MALRD1: variants seen among roughly 807,000 people sequenced by gnomAD.
The protein encoded by MALRD1 is MAM and LDL receptor class A domain containing 1.
MALRD1 carries 247 observed loss-of-function variants against 242.1 expected under a neutral mutation model. That is an observed-to-expected ratio of 1.02 (90% CI 0.92 to 1.13). The LOEUF (loss-of-function observed/expected upper bound fraction) is 1.13. MALRD1 is among the 50% of genes most tolerant of loss of function. MALRD1 has a pLI of 0.00. For missense variants in MALRD1, 2,989 were observed against 2,533.1 expected (o/e 1.18, Z -3.86); for synonymous variants, 995 against 866.6 (o/e 1.15, Z -2.60).
chr10:19,341,450 ATG>A (rs201389503), intron 24 of MALRD1, among the ~76,000 whole-genome samples: 38 of 113,826 alleles, frequency 3.3e-4, no homozygotes, highest in African/African-American at 1.2e-3. Context: ...ATATATATAT[ATG>A]TGTATATATA....
intron 19 of MALRD1, among the ~76,000 whole-genome samples, chr10:19,277,623 G>C (rs1030962745): frequency 6.6e-6 from 1 of 152,060 alleles, no homozygotes; most frequent in Non-Finnish European, 1.5e-5. Flanking sequence ...ACATAGTTCG[G>C]GGTCTTATTT....
intron 38 of MALRD1, among the ~76,000 whole-genome samples, chr10:19,727,607 A>G (rs985929848): frequency 6.6e-6 from 1 of 152,016 alleles, no homozygotes; most frequent in African/African-American, 2.4e-5. Context: ...CCTTTCCTCT[A>G]CTCAAAATTT....
chr10:19,363,483 TATTTAGCAATGTGC>T (rs1844983075), intron 26 of MALRD1, among the ~76,000 whole-genome samples: 2 of 152,282 alleles, frequency 1.3e-5, no homozygotes, highest in South Asian at 4.1e-4. Flanking sequence ...CTGGCCATTG[TATTTAGCAATGTGC>T]AAGGCAGTGG....
At chr10:19,357,435 G>C (rs1038643286) in intron 26 of MALRD1, among the ~76,000 whole-genome samples, 4 of 151,614 alleles carry the variant, frequency 2.6e-5, no homozygotes, top group Admixed American at 2.6e-4. Context: ...GTATTCTTTA[G>C]GTGGTGTAAA....
chr10:19,137,201 A>T (rs1413055949), intron 10 of MALRD1, among the ~76,000 whole-genome samples: 2 of 151,866 alleles, frequency 1.3e-5, no homozygotes, highest in Admixed American at 1.3e-4. Context: ...GGGAGGGATG[A>T]GTAGGAGGAG....
At chr10:19,241,406 G>A (rs543654073) in intron 18 of MALRD1, among the ~76,000 whole-genome samples, 5 of 152,104 alleles carry the variant, frequency 3.3e-5, no homozygotes, top group East Asian at 1.9e-4. Flanking sequence ...TTTCTGTGGT[G>A]TATCAGTTGT....
At chr10:19,426,963 T>C (rs1010665507) in intron 28 of MALRD1, among the ~76,000 whole-genome samples, 1 of 152,244 alleles carries the variant, frequency 6.6e-6, no homozygotes, top group African/African-American at 2.4e-5. Context: ...TGTGCATGTC[T>C]ATATTTGCAG....
chr10:19,172,936 C>T (rs995730886), intron 13 of MALRD1, among the ~76,000 whole-genome samples: 1 of 151,984 alleles, frequency 6.6e-6, no homozygotes, highest in East Asian at 1.9e-4. Context: ...ATGTTATTTT[C>T]TGCCTCTGGA....
chr10:19,620,751 C>T (rs1839364733), intron 36 of MALRD1, among the ~76,000 whole-genome samples: 2 of 151,766 alleles, frequency 1.3e-5, no homozygotes, highest in Admixed American at 1.3e-4. Context: ...AATATGTGCT[C>T]ACAAAATAAA....
chr10:19,172,611 A>G (rs1351340595), intron 13 of MALRD1, among the ~76,000 whole-genome samples: 1 of 151,450 alleles, frequency 6.6e-6, no homozygotes, highest in Admixed American at 6.6e-5. Flanking sequence ...CATTCCATTC[A>G]AATAATGTGA....
intron 5 of MALRD1, among the ~76,000 whole-genome samples, chr10:19,118,552 G>T (rs948817090): frequency 6.6e-6 from 1 of 152,180 alleles, no homozygotes; most frequent in East Asian, 1.9e-4. Flanking sequence ...ATAAGAGCTC[G>T]TAGAGACCAA....
intron 29 of MALRD1, among the ~76,000 whole-genome samples, chr10:19,487,064 C>A (rs994129158): frequency 6.6e-6 from 1 of 152,000 alleles, no homozygotes; most frequent in African/African-American, 2.4e-5. Flanking sequence ...CTTTTACTAG[C>A]AAAATAAATA....
chr10:19,498,359 A>G lies in MALRD1; in HGVS notation c.5159-126A>G, dbSNP rs1837816152. On this transcript the variant is annotated intron_variant, in intron 30 of 39. Coordinates refer to ENST00000454679, the MANE Select transcript of MALRD1 (RefSeq NM_001142308.3). ...ATTAACAATGAGTACAAATGTCTTGATGCTGTAAGTGTATTTATAAAGAAT... is the reference window on the plus strand; with the variant it reads ...ATTAACAATGAGTACAAATGTCTTGGTGCTGTAAGTGTATTTATAAAGAAT... The G allele has an allele frequency of 3.7e-6, 3 of 806,526 alleles. No homozygotes were observed. The South Asian group carries it at 6.6e-5, about 18-fold the overall frequency. The allele number at this position is 806,526 out of a possible 1,614,324, so 50.0% of individuals were successfully genotyped here. A position where few individuals can be genotyped will look rare whatever the true frequency, so the allele number is the denominator to read the frequency against.
chr10:19,205,129 T>C lies in MALRD1; in HGVS notation c.2442T>C (p.Cys814=), dbSNP rs1836728574. The part of the protein sequence containing the change: ...SAIDDIRFEN[C]TLPLPAESCE... ...TTGATGACATCCGATTTGAAAATTG[T>C]ACTCTCCCTCTTCCTGCTGAGAGCT... Residue 814 remains cysteine, a synonymous_variant, in exon 17 of 40, where the codon TGT becomes TGC. Coordinates refer to ENST00000454679, the MANE Select transcript of MALRD1 (RefSeq NM_001142308.3). 6.4e-7 allele frequency: 1 copy of C among 1,550,698 alleles called. No homozygotes were observed. Among genetic ancestry groups the C allele is most frequent in the Non-Finnish European group, 8.7e-7 (1 of 1,147,042 alleles).
Position 19,734,284 on chromosome 10 carries a change from T to C in MALRD1, c.*47T>C, listed in dbSNP as rs182171413. On this transcript the variant is annotated 3_prime_UTR_variant, in exon 40 of 40. Coordinates refer to ENST00000454679, the MANE Select transcript of MALRD1 (RefSeq NM_001142308.3). ...TCCAACATGTGTAGTTTCTAGAAAA[T>C]TGAAGTCTCCACAATCTGATAGAAA... The C allele has an allele frequency of 6.2e-6, 9 of 1,451,324 alleles. No individual in the cohort carries two copies. In the East Asian group the frequency reaches 7.4e-5, roughly 12 times the overall value. 89.9% of individuals were successfully genotyped at this position (1,451,324 alleles called of 1,614,324 possible).
chr10:19,048,889 A>G lies in MALRD1; in HGVS notation c.-50A>G. 1 of 1,189,086 alleles carries G rather than the reference A, an allele frequency of 8.4e-7. No individual in the cohort carries two copies. The highest frequency in any genetic ancestry group is 1.6e-5 in the African/African-American group (1 of 63,636). The allele number at this position is 1,189,086 out of a possible 1,614,324, so 73.7% of individuals were successfully genotyped here. On this transcript the variant is annotated 5_prime_UTR_variant, in exon 1 of 40. The change abolishes an upstream ATG in the 5' untranslated region. Coordinates refer to ENST00000454679, the MANE Select transcript of MALRD1 (RefSeq NM_001142308.3). Reference sequence around the variant, plus strand: ...GAGAAATAAAAGAATGTTTCCAATGATGGACTTACTTATTACAACTGCTTG... The same window carrying G: ...GAGAAATAAAAGAATGTTTCCAATGGTGGACTTACTTATTACAACTGCTTG...
chr10:19,589,198 G>T (rs1837622188), intron 33 of MALRD1, among the ~76,000 whole-genome samples: 1 of 152,084 alleles, frequency 6.6e-6, no homozygotes, highest in Non-Finnish European at 1.5e-5. Flanking sequence ...TAGATAGATG[G>T]GTGGATAGAT....
rs185196906 is a variant in MALRD1, at chr10:19,125,015, G to A, written c.943+345G>A. Among the ~76,000 whole-genome samples the A allele has an allele frequency of 1.1e-4, 12 of 111,754 alleles. No homozygotes were observed. The Admixed American group carries it at 1.4e-3, about 13-fold the overall frequency. The allele number at this position is 111,754 out of a possible 152,430, so 73.3% of individuals were successfully genotyped here. A position where few individuals can be genotyped will look rare whatever the true frequency, so the allele number is the denominator to read the frequency against. ...GGCTGGAATGCAGTGGTGAGATCTC[G>A]GCCCACTGCAACCCCCGCCTCCTGG... On this transcript the variant is annotated intron_variant, in intron 7 of 39. Transcript: ENST00000454679.
chr10:19,114,260 C>T (rs1488282310), intron 5 of MALRD1, among the ~76,000 whole-genome samples: 2 of 152,138 alleles, frequency 1.3e-5, no homozygotes, highest in African/African-American at 4.8e-5. Flanking sequence ...TTTTAATAGA[C>T]ATACAGGTAC....
Sources: gnomAD v4.1 joint callset for allele counts (sites outside exome capture counted in the v4.1 genomes callset) on GRCh38, gnomAD v4.1.1 for gene constraint, MANE v1.5 for transcripts, NCBI Gene and HGNC (gene_info 2026-07-23, HGNC 2026-07-21) for gene names.